Variants in AKAP7 observed in about 807,000 individuals in gnomAD.
The protein encoded by AKAP7 is A kinase (PRKA) anchor protein 7.
Under a neutral mutation model 39.5 loss-of-function variants are expected in AKAP7, and 39 were observed. The ratio of observed to expected loss-of-function variants is 0.99; its 90% CI spans 0.76 to 1.29. The LOEUF is 1.29. AKAP7 is among the 50% of genes most tolerant of loss of function. The probability of loss-of-function intolerance (pLI) is 0.00; values close to 1 mark genes in which losing one functional copy is unlikely to be tolerated. For synonymous variants in AKAP7, 140 were observed against 139.1 expected, an observed-to-expected ratio of 1.01 and a Z score of -0.05; for missense variants, 414 against 407.7, an observed-to-expected ratio of 1.02 and a Z score of -0.13.
At chr6:131,260,738 C>T (rs1813244369) in intron 7 of AKAP7, among the ~76,000 whole-genome samples, 1 of 152,066 alleles carries the variant, frequency 6.6e-6, no homozygotes, top group Non-Finnish European at 1.5e-5. Flanking sequence ...AAAATTTCCT[C>T]CCATTCTTTA....
intron 7 of AKAP7, among the ~76,000 whole-genome samples, chr6:131,244,867 A>G (rs1321762800): frequency 6.6e-6 from 1 of 152,178 alleles, no homozygotes; most frequent in Admixed American, 6.5e-5. Context: ...TTTGCTATAC[A>G]TATTAAAATT....
At chr6:131,226,406 C>T (rs1810171540) in intron 7 of AKAP7, among the ~76,000 whole-genome samples, 1 of 152,174 alleles carries the variant, frequency 6.6e-6, no homozygotes. Flanking sequence ...TGACATTATG[C>T]CTGCTTGTCA....
chr6:131,169,665 G>A (rs955221811), intron 5 of AKAP7, among the ~76,000 whole-genome samples: 3 of 152,176 alleles, frequency 2.0e-5, no homozygotes, highest in African/African-American at 7.2e-5. Context: ...CATATGTGTT[G>A]GAGAACATGT....
rs956792719 is a variant in AKAP7, at chr6:131,282,060, A to G, written c.*334A>G. ...AAAGAGGCCTTGCCATCAATGGAAT[A>G]CTGCCATTTATATTGCTTAGCAGGG... On this transcript the variant is annotated 3_prime_UTR_variant, in exon 8 of 8. Coordinates refer to ENST00000431975, the MANE Select transcript of AKAP7 (RefSeq NM_016377.4). 2.6e-6 allele frequency: 3 copies of G among 1,136,330 alleles called. No individual in the cohort carries two copies. Among genetic ancestry groups the G allele is most frequent in the Non-Finnish European group, 3.2e-6 (3 of 928,522 alleles). The allele number at this position is 1,136,330 out of a possible 1,614,324, so 70.4% of individuals were successfully genotyped here. A position where few individuals can be genotyped will look rare whatever the true frequency, so the allele number is the denominator to read the frequency against.
upstream of AKAP7, among the ~76,000 whole-genome samples, chr6:131,132,607 C>T (rs1800352337): frequency 6.6e-6 from 1 of 152,200 alleles, no homozygotes; most frequent in East Asian, 1.9e-4. Flanking sequence ...CAACACCCCA[C>T]CGAGATTTTG....
chr6:131,141,554 T>TA (rs1801026046), intron 1 of AKAP7, among the ~76,000 whole-genome samples: 1 of 152,204 alleles, frequency 6.6e-6, no homozygotes, highest in Non-Finnish European at 1.5e-5. Flanking sequence ...GCTGTAAAGA[T>TA]ACCTGAAAAG....
intron 1 of AKAP7, among the ~76,000 whole-genome samples, chr6:131,141,213 A>G (rs1231062899): frequency 6.6e-6 from 1 of 152,106 alleles, no homozygotes; most frequent in Non-Finnish European, 1.5e-5. Context: ...TGTTTGGGTC[A>G]TGGGGTGGAT....
rs569544522 is a variant in AKAP7, at chr6:131,282,872, C to G, written c.*1146C>G. ...TAATTAGCTGTTGTGAGATATTTCT[C>G]GGGTCCTTGCAGAAAAAAACATACA... On this transcript the variant is annotated 3_prime_UTR_variant, in exon 8 of 8. Coordinates refer to ENST00000431975, the MANE Select transcript of AKAP7 (RefSeq NM_016377.4). The G allele has an allele frequency of 1.7e-4, 49 of 295,660 alleles. No homozygotes were observed. The Admixed American group carries it at 2.2e-3, about 13-fold the overall frequency. The allele number at this position is 295,660 out of a possible 1,614,324, so 18.3% of individuals were successfully genotyped here. A position where few individuals can be genotyped will look rare whatever the true frequency, so the allele number is the denominator to read the frequency against.
At chr6:131,126,804 A>G in the AKAP7 span, among the ~76,000 whole-genome samples, 1 of 152,178 alleles carries the variant, frequency 6.6e-6, no homozygotes, top group African/African-American at 2.4e-5. Context: ...AAGGACCAGA[A>G]CTGAGGTTTG....
At chr6:131,257,400 C>T (rs1812954527) in intron 7 of AKAP7, among the ~76,000 whole-genome samples, 1 of 147,644 alleles carries the variant, frequency 6.8e-6, no homozygotes, top group Non-Finnish European at 1.5e-5. Flanking sequence ...GTCAGCTTGG[C>T]AGAACTATGC....
intron 7 of AKAP7, among the ~76,000 whole-genome samples, chr6:131,239,214 T>A (rs1048436011): frequency 6.6e-6 from 1 of 152,214 alleles, no homozygotes; most frequent in African/African-American, 2.4e-5. Flanking sequence ...ATTCTTTCAT[T>A]TAAGAATGTT....
At chr6:131,128,129 T>C in the AKAP7 span, among the ~76,000 whole-genome samples, 3 of 152,174 alleles carry the variant, frequency 2.0e-5, no homozygotes, top group East Asian at 5.8e-4. Flanking sequence ...TGCGTTTACC[T>C]ATATAAAAAC....
chr6:131,127,326 C>T, the AKAP7 span, among the ~76,000 whole-genome samples: 68,632 of 152,016 alleles, frequency 0.45, 17,078 homozygotes, highest in Non-Finnish European at 0.56. Flanking sequence ...TAAGCCACTG[C>T]ATCTGGTCCC....
intron 7 of AKAP7, among the ~76,000 whole-genome samples, chr6:131,248,126 G>A (rs779471368): frequency 2.4e-4 from 36 of 152,162 alleles, no homozygotes; most frequent in Non-Finnish European, 2.6e-4. Context: ...GGAAGAGCAG[G>A]AGGCAAGATT....
the AKAP7 span, among the ~76,000 whole-genome samples, chr6:131,129,168 T>C: frequency 6.6e-6 from 1 of 151,690 alleles, no homozygotes; most frequent in Non-Finnish European, 1.5e-5. Flanking sequence ...GTGACTGTAG[T>C]CCCAGCTACC....
intron 7 of AKAP7, among the ~76,000 whole-genome samples, chr6:131,258,871 T>C (rs1288651833): frequency 6.6e-6 from 1 of 152,220 alleles, no homozygotes; most frequent in African/African-American, 2.4e-5. Context: ...TATGTATCTA[T>C]GTAGTGCCAG....
chr6:131,212,086 T>C (rs1197769568), intron 6 of AKAP7, among the ~76,000 whole-genome samples: 1 of 152,150 alleles, frequency 6.6e-6, no homozygotes, highest in Non-Finnish European at 1.5e-5. Context: ...AAAACAATGG[T>C]TGTGTTAGTA....
intron 5 of AKAP7, among the ~76,000 whole-genome samples, chr6:131,177,203 G>A (rs749710278): frequency 2.6e-5 from 4 of 152,046 alleles, no homozygotes; most frequent in Admixed American, 2.0e-4. Flanking sequence ...ATGAGGTATG[G>A]GCTGTCTTCG....
intron 1 of AKAP7, among the ~76,000 whole-genome samples, chr6:131,137,051 G>A (rs1254838496): frequency 6.6e-6 from 1 of 152,006 alleles, no homozygotes; most frequent in Admixed American, 6.6e-5. Flanking sequence ...AGCCTAGATC[G>A]GCTGGGATCA....
Sources: allele counts gnomAD v4.1 joint callset (sites outside exome capture counted in the v4.1 genomes callset), GRCh38; gene constraint gnomAD v4.1.1; transcripts MANE v1.5; gene names NCBI Gene and HGNC (gene_info 2026-07-23, HGNC 2026-07-21).